GLRA2: variants seen among roughly 807,000 people sequenced by gnomAD.
GLRA2 encodes the protein glycine receptor alpha 2, also known as glycine receptor subunit alpha-2.
A neutral mutation model predicts 31.6 loss-of-function variants in GLRA2; 11 were observed. The ratio of observed to expected loss-of-function variants is 0.35; its 90% CI spans 0.22 to 0.58. The LOEUF is 0.58. Ranked by LOEUF, GLRA2 falls within the 20% of genes least tolerant of loss-of-function variation. The pLI is 0.84. For synonymous variants in GLRA2, 132 were observed against 134.0 expected, an observed-to-expected ratio of 0.99 and a Z score of 0.10; for missense variants, 212 against 351.8, an observed-to-expected ratio of 0.60 and a Z score of 3.18.
At chrX:14,549,292 G>T (rs2089523959) in intron 2 of GLRA2, among the ~76,000 whole-genome samples, 1 of 111,784 alleles carries the variant, frequency 8.9e-6, no homozygotes, top group African/African-American at 3.2e-5. Flanking sequence ...TAGAAGATAA[G>T]CCTACAGAAT....
intron 7 of GLRA2, among the ~76,000 whole-genome samples, chrX:14,626,374 G>C (rs914615316): frequency 1.8e-5 from 2 of 111,868 alleles, no homozygotes; most frequent in Non-Finnish European, 1.9e-5. Flanking sequence ...CTGTCTTTTG[G>C]CTATGCATAC....
chrX:14,547,395 G>T (rs1039919542), intron 2 of GLRA2, among the ~76,000 whole-genome samples: 2 of 111,163 alleles, frequency 1.8e-5, no homozygotes, highest in African/African-American at 6.5e-5. Context: ...TGGATAAAGT[G>T]CTTGCACTTG....
chrX:14,458,431 C>G, the GLRA2 span, among the ~76,000 whole-genome samples: 7 of 111,757 alleles, frequency 6.3e-5, no homozygotes, highest in South Asian at 2.3e-3. Context: ...GTTCTAGATC[C>G]CTGAGGAATT....
chrX:14,524,770 C>T (rs999021704), upstream of GLRA2, among the ~76,000 whole-genome samples: 2 of 107,826 alleles, frequency 1.9e-5, no homozygotes, highest in South Asian at 7.8e-4. Flanking sequence ...GTGTGTGTAT[C>T]TTAATATAAT....
At chrX:14,502,691 T>C in the GLRA2 span, among the ~76,000 whole-genome samples, 1 of 111,168 alleles carries the variant, frequency 9.0e-6, no homozygotes, top group African/African-American at 3.3e-5. Context: ...CTTTATCTAA[T>C]ATATAGTTAA....
intron 7 of GLRA2, among the ~76,000 whole-genome samples, chrX:14,627,844 A>T (rs1236778928): frequency 8.9e-6 from 1 of 111,978 alleles, no homozygotes. Context: ...AAATGAATTA[A>T]TATTTTGTAA....
At chrX:14,556,123 T>G (rs1212290889) in intron 2 of GLRA2, among the ~76,000 whole-genome samples, 1 of 112,081 alleles carries the variant, frequency 8.9e-6, no homozygotes, top group Non-Finnish European at 1.9e-5. Flanking sequence ...GTTTTTAACT[T>G]GGAAACAAAT....
intron 4 of GLRA2, among the ~76,000 whole-genome samples, chrX:14,594,025 G>A (rs1054465658): frequency 8.9e-6 from 1 of 112,199 alleles, no homozygotes; most frequent in Non-Finnish European, 1.9e-5. Flanking sequence ...ATCCAGTCAA[G>A]GATGGACCAT....
intron 2 of GLRA2, among the ~76,000 whole-genome samples, chrX:14,565,275 G>A (rs1473559167): frequency 4.5e-5 from 5 of 111,677 alleles, no homozygotes; most frequent in African/African-American, 1.6e-4. Flanking sequence ...CAGAAGAATT[G>A]AAAAAGATAT....
intron 5 of GLRA2, 92 bp downstream of exon 5, chrX:14,604,489 C>A: frequency 1.8e-6 from 1 of 548,728 alleles, no homozygotes; most frequent in Non-Finnish European, 3.1e-6. Flanking sequence ...ACCCTTACAA[C>A]TCATTCCCTA....
the GLRA2 span, among the ~76,000 whole-genome samples, chrX:14,481,233 T>G: frequency 2.6e-4 from 29 of 111,551 alleles, no homozygotes; most frequent in African/African-American, 9.1e-4. Flanking sequence ...ATCCTGAAAT[T>G]TTACTGAAGT....
At chrX:14,663,866 AATGTAT>A (rs1014493408) in intron 7 of GLRA2, among the ~76,000 whole-genome samples, 9 of 111,212 alleles carry the variant, frequency 8.1e-5, no homozygotes, top group South Asian at 3.7e-4. Flanking sequence ...CTGATTTTCC[AATGTAT>A]ATGTATAAGT....
At chrX:14,665,820 G>C (rs2091033356) in intron 7 of GLRA2, among the ~76,000 whole-genome samples, 1 of 111,935 alleles carries the variant, frequency 8.9e-6, no homozygotes, top group African/African-American at 3.2e-5. Context: ...GAAAGAATTA[G>C]AGTAAAATAA....
chrX:14,662,800 A>T (rs2091004307), intron 7 of GLRA2, among the ~76,000 whole-genome samples: 1 of 112,030 alleles, frequency 8.9e-6, no homozygotes, highest in Admixed American at 9.5e-5. Flanking sequence ...TTTCTATGAC[A>T]GAGCACGGAA....
the GLRA2 span, among the ~76,000 whole-genome samples, chrX:14,495,173 C>G: frequency 9.0e-6 from 1 of 111,245 alleles, no homozygotes; most frequent in Admixed American, 9.6e-5. Context: ...ATAAATGGCC[C>G]ATTAGCCCTT....
In GLRA2 at chrX:14,621,455, C is replaced by T. The variant is rs761192520; in HGVS notation, c.930+12250C>T. On this transcript the variant is annotated intron_variant, in intron 7 of 8. Coordinates refer to ENST00000218075, the MANE Select transcript of GLRA2 (RefSeq NM_002063.4). ...TTTATACATGTGCCATGTTGGTGTGCTGCACCCATTAACTCGTCATTTACA... is the reference window on the plus strand; with the variant it reads ...TTTATACATGTGCCATGTTGGTGTGTTGCACCCATTAACTCGTCATTTACA... Among the ~76,000 whole-genome samples the T allele has an allele frequency of 3.6e-5, 4 of 110,821 alleles. No homozygotes were observed. In the South Asian group the frequency reaches 1.5e-3, roughly 42 times the overall value.
At chrX:14,584,364 G>T (rs1447011916) in intron 4 of GLRA2, among the ~76,000 whole-genome samples, 2 of 111,466 alleles carry the variant, frequency 1.8e-5, no homozygotes, top group Non-Finnish European at 3.8e-5. Flanking sequence ...GCATTTAAAG[G>T]TCCTTAACAG....
Position 14,678,240 on chromosome X carries a change from C to A in GLRA2, c.931-12470C>A, listed in dbSNP as rs1206975711. Among the ~76,000 whole-genome samples the A allele has an allele frequency of 3.6e-5, 4 of 112,480 alleles. No individual in the cohort carries two copies. In the East Asian group the frequency reaches 1.1e-3, roughly 31 times the overall value. ...TAAGATTGATTAACTAGGGTAGACACATGCTGTGCGAGGCCTTGAATACCA... is the reference window on the plus strand; with the variant it reads ...TAAGATTGATTAACTAGGGTAGACAAATGCTGTGCGAGGCCTTGAATACCA... On this transcript the variant is annotated intron_variant, in intron 7 of 8. Transcript: ENST00000218075.
the GLRA2 span, among the ~76,000 whole-genome samples, chrX:14,486,655 C>A: frequency 1.8e-5 from 2 of 111,560 alleles, no homozygotes; most frequent in Admixed American, 9.5e-5. Flanking sequence ...TGCCTACTTA[C>A]CAGATAAACA....
Sources: gnomAD v4.1 joint callset for allele counts (sites outside exome capture counted in the v4.1 genomes callset) on GRCh38, gnomAD v4.1.1 for gene constraint, MANE v1.5 for transcripts, NCBI Gene and HGNC (gene_info 2026-07-23, HGNC 2026-07-21) for gene names.